Variants in HHAT observed in about 807,000 individuals in gnomAD.
The protein encoded by HHAT is hedgehog acyltransferase, also known as protein-cysteine N-palmitoyltransferase HHAT.
A neutral mutation model predicts 70.8 loss-of-function variants in HHAT; 47 were observed. That is an observed-to-expected ratio of 0.66 (90% CI 0.53 to 0.85). The LOEUF (loss-of-function observed/expected upper bound fraction) is 0.85. Among genes scored for constraint, HHAT ranks in the 40% least tolerant of loss-of-function variants. The probability of loss-of-function intolerance (pLI) is 0.00; values close to 1 mark genes in which losing one functional copy is unlikely to be tolerated. For missense variants in HHAT, 609 were observed against 604.8 expected (o/e 1.01, Z -0.07); for synonymous variants, 228 against 247.6 (o/e 0.92, Z 0.74).
intron 9 of HHAT, among the ~76,000 whole-genome samples, chr1:210,548,572 T>G (rs2095503236): frequency 6.6e-6 from 1 of 152,178 alleles, no homozygotes; most frequent in African/African-American, 2.4e-5. Flanking sequence ...TGTGGCTTGA[T>G]GCTCCTGCTG....
In HHAT at chr1:210,674,552, C is replaced by T; in HGVS notation, c.*173C>T. 1 of 585,798 alleles carries T rather than the reference C, an allele frequency of 1.7e-6. No homozygotes were observed. The highest frequency in any genetic ancestry group is 3.0e-6 in the Non-Finnish European group (1 of 329,792). 36.3% of individuals were successfully genotyped at this position (585,798 alleles called of 1,614,324 possible). A position where few individuals can be genotyped will look rare whatever the true frequency, so the allele number is the denominator to read the frequency against. On this transcript the variant is annotated 3_prime_UTR_variant, in exon 12 of 12. Transcript: ENST00000261458. ...CATAGAAAATTCACAGCCAGACAAT[C>T]TTCTAATCTGGAGTCTTTGAGATCT...
At chr1:210,649,283 G>A (rs1483628375) in intron 11 of HHAT, among the ~76,000 whole-genome samples, 1 of 152,206 alleles carries the variant, frequency 6.6e-6, no homozygotes, top group Non-Finnish European at 1.5e-5. Context: ...GTCTAAGTGA[G>A]CTAGGAATAG....
At chr1:210,496,211 A>G (rs901827799) in intron 8 of HHAT, among the ~76,000 whole-genome samples, 1 of 152,038 alleles carries the variant, frequency 6.6e-6, no homozygotes, top group South Asian at 2.1e-4. Context: ...GGCTGCAGTC[A>G]TCTGAAGGCC....
chr1:210,545,562 A>T (rs4845050), intron 9 of HHAT, among the ~76,000 whole-genome samples: 1 of 150,512 alleles, frequency 6.6e-6, no homozygotes, highest in African/African-American at 2.4e-5. Context: ...CCAGCCTCCT[A>T]AGTAGCTAGG....
At chr1:210,674,110 A>C (rs1381773597) in intron 11 of HHAT, among the ~76,000 whole-genome samples, 178 bp from the exon 12 acceptor site, 1 of 152,096 alleles carries the variant, frequency 6.6e-6, no homozygotes, top group African/African-American at 2.4e-5. Context: ...TCCTCATTTT[A>C]TGCTGACTCT....
chr1:210,546,771 A>G (rs17016397), intron 9 of HHAT, among the ~76,000 whole-genome samples: 46,043 of 152,104 alleles, frequency 0.3, 7,092 homozygotes, highest in Middle Eastern at 0.38. Context: ...GAAGGAGCAG[A>G]GCCTGAAGCT....
intron 8 of HHAT, among the ~76,000 whole-genome samples, chr1:210,468,622 A>C (rs1283403531): frequency 6.6e-6 from 1 of 152,140 alleles, no homozygotes; most frequent in Non-Finnish European, 1.5e-5. Context: ...CAATAGAATA[A>C]TTTAGGTCCC....
intron 9 of HHAT, among the ~76,000 whole-genome samples, chr1:210,547,933 A>C (rs925968208): frequency 6.6e-6 from 1 of 152,246 alleles, no homozygotes; most frequent in African/African-American, 2.4e-5. Flanking sequence ...GAATGGCATT[A>C]AAAAGTCAAA....
chr1:210,479,827 C>G (rs1210238108), intron 8 of HHAT, among the ~76,000 whole-genome samples: 1 of 152,170 alleles, frequency 6.6e-6, no homozygotes, highest in Non-Finnish European at 1.5e-5. Flanking sequence ...TATTTTAATT[C>G]ATTTAAAAAG....
intron 9 of HHAT, among the ~76,000 whole-genome samples, chr1:210,548,920 G>A (rs1331550593): frequency 6.6e-6 from 1 of 152,176 alleles, no homozygotes; most frequent in Middle Eastern, 3.2e-3. Context: ...TGCTCACTGG[G>A]GGAAAAGTAT....
chr1:210,387,048 A>G (rs1300207768), intron 3 of HHAT, among the ~76,000 whole-genome samples: 1 of 152,202 alleles, frequency 6.6e-6, no homozygotes, highest in Admixed American at 6.5e-5. Context: ...CTAAACTGGG[A>G]TAGCCTCAAT....
At position 210,386,230 on chromosome 1, in the gene HHAT, C is replaced by CTTTCTTTTTT. The variant is rs1324452281; in HGVS notation, c.160-1235_160-1234insCTTTTTTTTT. On this transcript the variant is annotated intron_variant, in intron 3 of 11. Transcript: ENST00000261458. Reference sequence around the variant, plus strand: ...ATTGCAGGAGTCCTTTTCTTTTTTTCTTTTTTTTTTTTTTTTTTTTTTTTT... The same window carrying CTTTCTTTTTT: ...ATTGCAGGAGTCCTTTTCTTTTTTTCTTTCTTTTTTTTTTTTTTTTTTTTTTTTTTTTTTT... 3.4e-4 allele frequency among the ~76,000 whole-genome samples: 24 copies of CTTTCTTTTTT among 69,922 alleles called. 2 individuals are homozygous for CTTTCTTTTTT. Among genetic ancestry groups the CTTTCTTTTTT allele is most frequent in the Admixed American group, 2.7e-3 (15 of 5,652 alleles). The allele number at this position is 69,922 out of a possible 152,430, so 45.9% of individuals were successfully genotyped here. A position where few individuals can be genotyped will look rare whatever the true frequency, so the allele number is the denominator to read the frequency against.
chr1:210,514,065 C>T (rs561434335), intron 9 of HHAT, among the ~76,000 whole-genome samples: 1 of 152,318 alleles, frequency 6.6e-6, no homozygotes, highest in South Asian at 2.1e-4. Flanking sequence ...CTGTACAATG[C>T]ATGGCCATCT....
chr1:210,390,418 T>C (rs945629757), intron 4 of HHAT, among the ~76,000 whole-genome samples: 1 of 152,216 alleles, frequency 6.6e-6, no homozygotes, highest in African/African-American at 2.4e-5. Flanking sequence ...ATTAGGAAGA[T>C]ATTAAAACTC....
chr1:210,401,630 A>G (rs1286834188), intron 5 of HHAT, among the ~76,000 whole-genome samples: 1 of 152,190 alleles, frequency 6.6e-6, no homozygotes, highest in South Asian at 2.1e-4. Context: ...TGTTTGCATT[A>G]GTAAAATCTT....
At chr1:210,434,384 G>T (rs1002577065) in intron 7 of HHAT, among the ~76,000 whole-genome samples, 1 of 151,886 alleles carries the variant, frequency 6.6e-6, no homozygotes, top group Non-Finnish European at 1.5e-5. Context: ...GAAGGCCAGT[G>T]GGAGGCTGAA....
At chr1:210,524,146 A>C (rs1315024937) in intron 9 of HHAT, among the ~76,000 whole-genome samples, 3 of 152,240 alleles carry the variant, frequency 2.0e-5, no homozygotes, top group African/African-American at 7.2e-5. Context: ...CAAGATGCAT[A>C]AGCTCTGGAG....
chr1:210,420,943 G>A (rs2092883456), intron 7 of HHAT, among the ~76,000 whole-genome samples: 1 of 152,064 alleles, frequency 6.6e-6, no homozygotes, highest in Non-Finnish European at 1.5e-5. Flanking sequence ...AGTATTGTGG[G>A]CAGTATATTT....
intron 8 of HHAT, among the ~76,000 whole-genome samples, chr1:210,469,846 T>A (rs535108879): frequency 1.3e-5 from 2 of 151,988 alleles, no homozygotes; most frequent in South Asian, 4.2e-4. Context: ...TTTTTTTTTT[T>A]AAAGTTCTGG....
Sources: gnomAD v4.1 joint callset for allele counts (sites outside exome capture counted in the v4.1 genomes callset) on GRCh38, gnomAD v4.1.1 for gene constraint, MANE v1.5 for transcripts, NCBI Gene and HGNC (gene_info 2026-07-23, HGNC 2026-07-21) for gene names.